Variants in TENM3 observed in about 807,000 individuals in gnomAD.
TENM3 encodes teneurin-3.
TENM3 carries 63 observed loss-of-function variants against 255.1 expected under a neutral mutation model. That is an observed-to-expected ratio of 0.25 (90% CI 0.20 to 0.30). TENM3 has a LOEUF of 0.30. Among genes scored for constraint, TENM3 ranks in the 10% least tolerant of loss-of-function variants. TENM3 has a pLI of 1.00. For synonymous variants in TENM3, 1,306 were observed against 1,322.3 expected (o/e 0.99, Z 0.27); for missense variants, 2,929 against 3,461.1 (o/e 0.85, Z 3.86).
chr4:182,666,535 C>T (rs1339872249), intron 6 of TENM3, among the ~76,000 whole-genome samples: 1 of 152,174 alleles, frequency 6.6e-6, no homozygotes, highest in Non-Finnish European at 1.5e-5. Context: ...AAGATGATGA[C>T]TTGATCAGAT....
chr4:182,533,664 CT>C (rs1398597371), intron 3 of TENM3, among the ~76,000 whole-genome samples: 1 of 151,820 alleles, frequency 6.6e-6, no homozygotes, highest in Non-Finnish European at 1.5e-5. Flanking sequence ...AAAAGGTTGT[CT>C]TTCACTTTGG....
chr4:182,067,914 C>T, the TENM3 span, among the ~76,000 whole-genome samples: 1 of 151,926 alleles, frequency 6.6e-6, no homozygotes. Flanking sequence ...GTCACATTAT[C>T]GTGATTTTAG....
chr4:181,793,210 G>T, the TENM3 span, among the ~76,000 whole-genome samples: 1 of 152,180 alleles, frequency 6.6e-6, no homozygotes, highest in Non-Finnish European at 1.5e-5. Flanking sequence ...CGATCCAGCT[G>T]CATGAAAGAG....
At chr4:181,860,948 C>T in the TENM3 span, among the ~76,000 whole-genome samples, 2 of 152,072 alleles carry the variant, frequency 1.3e-5, no homozygotes, top group African/African-American at 4.8e-5. Context: ...GGTATCGCTC[C>T]AGCATTTTTA....
At chr4:182,291,936 A>T (rs1430716750) in intron 1 of TENM3, among the ~76,000 whole-genome samples, 1 of 152,124 alleles carries the variant, frequency 6.6e-6, no homozygotes, top group African/African-American at 2.4e-5. Flanking sequence ...CATTTCTATT[A>T]TTCAGCCCTA....
chr4:182,686,929 A>C (rs1756623169), intron 11 of TENM3, among the ~76,000 whole-genome samples: 1 of 152,134 alleles, frequency 6.6e-6, no homozygotes, highest in South Asian at 2.1e-4. Context: ...AAGGAGATAG[A>C]AAATATTGCA....
chr4:182,412,014 G>C (rs1340216506), intron 3 of TENM3, among the ~76,000 whole-genome samples: 1 of 152,220 alleles, frequency 6.6e-6, no homozygotes, highest in Non-Finnish European at 1.5e-5. Flanking sequence ...CCTACAGGAT[G>C]ATGAGGGCTA....
intron 12 of TENM3, among the ~76,000 whole-genome samples, chr4:182,712,988 C>G (rs1194603676): frequency 6.6e-6 from 1 of 152,174 alleles, no homozygotes; most frequent in East Asian, 1.9e-4. Context: ...AGAATCTACC[C>G]AAGTGTCATC....
At chr4:182,317,332 C>CTCTG (rs1491330299) in intron 1 of TENM3, among the ~76,000 whole-genome samples, 4 of 152,210 alleles carry the variant, frequency 2.6e-5, no homozygotes, top group Non-Finnish European at 4.4e-5. Flanking sequence ...CAGGGTCTTA[C>CTCTG]TCTGTCTCCG....
chr4:182,313,586 G>T (rs1204483362), intron 1 of TENM3, among the ~76,000 whole-genome samples: 1 of 151,860 alleles, frequency 6.6e-6, no homozygotes, highest in African/African-American at 2.4e-5. Context: ...AGCTAGGAGG[G>T]CAATTATTAT....
At chr4:181,469,940 C>G in the TENM3 span, among the ~76,000 whole-genome samples, 1 of 151,486 alleles carries the variant, frequency 6.6e-6, no homozygotes, top group Admixed American at 6.6e-5. Flanking sequence ...ATTGTTAAGT[C>G]TGATTATTAT....
chr4:181,606,438 T>G, the TENM3 span, among the ~76,000 whole-genome samples: 1 of 152,174 alleles, frequency 6.6e-6, no homozygotes, highest in East Asian at 1.9e-4. Context: ...GAATGCCCTT[T>G]AATCTACTCT....
intron 12 of TENM3, among the ~76,000 whole-genome samples, chr4:182,701,219 T>TTTTGTTTTTTTTG (rs1469817865): frequency 9.1e-6 from 1 of 109,908 alleles, no homozygotes; most frequent in East Asian, 2.4e-4. Context: ...ACTTTTTTTT[T>TTTTGTTTTTTTTG]TTTTTTTTTT....
chr4:182,320,611 TA>T (rs1762995097), intron 1 of TENM3, among the ~76,000 whole-genome samples: 1 of 152,148 alleles, frequency 6.6e-6, no homozygotes, highest in South Asian at 2.1e-4. Flanking sequence ...GAAATAAAAG[TA>T]AAACCCCATT....
intron 1 of TENM3, among the ~76,000 whole-genome samples, chr4:182,179,601 T>C (rs1752720412): frequency 6.6e-6 from 1 of 152,204 alleles, no homozygotes; most frequent in Admixed American, 6.6e-5. Context: ...TGGTAGTTTA[T>C]AGAAGAGAAC....
the TENM3 span, among the ~76,000 whole-genome samples, chr4:181,937,437 C>G: frequency 6.6e-6 from 1 of 152,190 alleles, no homozygotes; most frequent in East Asian, 1.9e-4. Flanking sequence ...GGCAGGGCAT[C>G]TAGGCTGATG....
chr4:182,307,145 A>T (rs1762181169), intron 1 of TENM3, among the ~76,000 whole-genome samples: 1 of 152,210 alleles, frequency 6.6e-6, no homozygotes, highest in African/African-American at 2.4e-5. Context: ...ACACTTGTAC[A>T]TACAGGATAA....
upstream of TENM3, among the ~76,000 whole-genome samples, chr4:182,243,073 A>G (rs1757382143): frequency 2.0e-5 from 3 of 152,220 alleles, no homozygotes; most frequent in Admixed American, 1.3e-4. Flanking sequence ...TGTATTGGAG[A>G]TGTGTTTAGA....
At chr4:182,499,109 G>A (rs1426966736) in intron 3 of TENM3, among the ~76,000 whole-genome samples, 2 of 152,186 alleles carry the variant, frequency 1.3e-5, no homozygotes, top group African/African-American at 4.8e-5. Flanking sequence ...GTCATTCAAT[G>A]TACTTCAACA....
Sources: gnomAD v4.1 joint callset for allele counts (sites outside exome capture counted in the v4.1 genomes callset) on GRCh38, gnomAD v4.1.1 for gene constraint, MANE v1.5 for transcripts, NCBI Gene and HGNC (gene_info 2026-07-23, HGNC 2026-07-21) for gene names.